The following MYT1L variants were observed in gnomAD, a reference collection of about 807,000 sequenced individuals.
The protein encoded by MYT1L is myelin transcription factor 1-like protein.
MYT1L carries 12 observed loss-of-function variants against 126.7 expected under a neutral mutation model. The ratio of observed to expected loss-of-function variants is 0.09; its 90% CI spans 0.06 to 0.15. The LOEUF (loss-of-function observed/expected upper bound fraction) is 0.15, where lower values mean the gene tolerates loss of function less well. Ranked by LOEUF, MYT1L falls within the 10% of genes least tolerant of loss-of-function variation. The pLI is 1.00. For synonymous variants in MYT1L, 541 were observed against 604.2 expected (o/e 0.90, Z 1.53); for missense variants, 979 against 1,585.2 (o/e 0.62, Z 6.49).
At chr2:1,824,824 T>G (rs951361875) in intron 21 of MYT1L, 1 of 152,270 alleles carries the variant, frequency 6.6e-6, no homozygotes, top group African/African-American at 2.4e-5. Context: ...GGCTAGCATT[T>G]GGTGCTTCAA....
chr2:2,005,295 C>A (rs1355065274), intron 4 of MYT1L, among the ~76,000 whole-genome samples: 1 of 144,104 alleles, frequency 6.9e-6, no homozygotes, highest in East Asian at 2.2e-4. Context: ...TTCCTGCAGG[C>A]GTTCTTTCCT....
chr2:1,964,135 G>T (rs1163075319), intron 8 of MYT1L, among the ~76,000 whole-genome samples: 1 of 152,156 alleles, frequency 6.6e-6, no homozygotes, highest in African/African-American at 2.4e-5. Flanking sequence ...CAATATTATT[G>T]TGTCTCAGGG....
At position 2,284,502 on chromosome 2, in the gene MYT1L, C is replaced by T. The variant is rs1184270143; in HGVS notation, c.-519G>A. The T allele has an allele frequency of 1.3e-5, 2 of 152,364 alleles. No individual in the cohort carries two copies. The highest frequency in any genetic ancestry group is 3.9e-4 in the East Asian group (2 of 5,158). 9.4% of individuals were successfully genotyped at this position (152,364 alleles called of 1,614,324 possible). ...TTGGCTACAGCCTCCTCATGACCCGCCCTGCATGTAAGAGAAGAGGAAGAA... is the reference window on the plus strand; with the variant it reads ...TTGGCTACAGCCTCCTCATGACCCGTCCTGCATGTAAGAGAAGAGGAAGAA... On this transcript the variant is annotated splice_region_variant and 5_prime_UTR_variant, in exon 2 of 25. Transcript: ENST00000647738.
At chr2:2,259,668 A>G (rs1489753196) in intron 2 of MYT1L, among the ~76,000 whole-genome samples, 4 of 152,162 alleles carry the variant, frequency 2.6e-5, no homozygotes, top group Non-Finnish European at 4.4e-5. Flanking sequence ...CCCTCGTCTT[A>G]TAGAAAATGT....
intron 2 of MYT1L, among the ~76,000 whole-genome samples, chr2:2,260,654 A>G (rs1249806250): frequency 6.7e-6 from 1 of 149,464 alleles, no homozygotes; most frequent in African/African-American, 2.5e-5. Context: ...TTGCTGGTGA[A>G]TTATTTTTTT....
At position 1,892,254 on chromosome 2, in the gene MYT1L, C is replaced by T. The variant is rs2048983207; in HGVS notation, c.2066G>A (p.Ser689Asn). 1.3e-6 allele frequency: 2 copies of T among 1,549,504 alleles called. No individual in the cohort carries two copies. The highest frequency in any genetic ancestry group is 2.0e-5 in the Admixed American group (1 of 50,946). Residue 689 changes from serine to asparagine, a missense_variant, in exon 15 of 25, where the codon AGC becomes AAC. Ser to Asn is a conservative substitution (Grantham distance 46). Around this residue, in one of 12 missense-constraint regions of MYT1L, gnomAD observed 57 missense variants for 60.3 expected, o/e 0.94. Transcript: ENST00000647738. ...GGGCGCGTAGCTGCTGGTGCTGCTG[C>T]TGCTGGGGCTGGGGTCCTTGCAGTA... ...KRYCKDPSPS[S>N]SSTSSYAPSS...
At chr2:1,948,106 G>A (rs540275641) in intron 8 of MYT1L, among the ~76,000 whole-genome samples, 10 of 152,140 alleles carry the variant, frequency 6.6e-5, no homozygotes, top group African/African-American at 9.7e-5. Flanking sequence ...TCCCGTGGTG[G>A]GAACTTTCTG....
intron 3 of MYT1L, among the ~76,000 whole-genome samples, chr2:2,080,823 CAT>C (rs1285342282): frequency 6.6e-6 from 1 of 152,168 alleles, no homozygotes; most frequent in Admixed American, 6.5e-5. Flanking sequence ...ATAACTTTAA[CAT>C]GTGACACAGC....
chr2:2,120,355 C>T (rs1424328429), intron 3 of MYT1L, among the ~76,000 whole-genome samples: 5 of 152,202 alleles, frequency 3.3e-5, no homozygotes, highest in Admixed American at 2.0e-4. Flanking sequence ...TCATAAGTCA[C>T]GTGCTGCTTG....
intron 21 of MYT1L, among the ~76,000 whole-genome samples, chr2:1,814,214 C>T (rs985741893): frequency 6.6e-6 from 1 of 152,052 alleles, no homozygotes; most frequent in Non-Finnish European, 1.5e-5. Context: ...GCCCCTGGCA[C>T]TCCCACTTGA....
intron 3 of MYT1L, among the ~76,000 whole-genome samples, chr2:2,159,133 CCT>C (rs1205004026): frequency 1.2e-4 from 19 of 152,206 alleles, no homozygotes; most frequent in African/African-American, 4.3e-4. Context: ...GTGAAGAGCT[CCT>C]GAGACTCCCA....
chr2:1,889,481 T>C lies in MYT1L; in HGVS notation c.2284-4A>G, dbSNP rs2048561895. The stretch of plus-strand genomic sequence containing the variant: ...CATCCACCTCCATGTCAGGGTTCTG[T>C]CGGTAGAAAGACATAGTGACTGTGC... On this transcript the variant is annotated splice_region_variant and splice_polypyrimidine_tract_variant and intron_variant, in intron 15 of 24. Transcript: ENST00000647738. The surrounding 1 kb of genome is among the most constrained non-coding windows in gnomAD (Gnocchi z 4.1). 1 of 1,589,640 alleles carries C rather than the reference T, an allele frequency of 6.3e-7. No individual in the cohort carries two copies. The highest frequency in any genetic ancestry group is 1.3e-5 in the African/African-American group (1 of 74,360).
At chr2:2,084,297 C>T (rs1231282331) in intron 3 of MYT1L, among the ~76,000 whole-genome samples, 1 of 152,242 alleles carries the variant, frequency 6.6e-6, no homozygotes, top group Non-Finnish European at 1.5e-5. Context: ...AAGAAGGGAG[C>T]AGGCAGCTCT....
At chr2:2,128,790 A>G (rs530849152) in intron 3 of MYT1L, among the ~76,000 whole-genome samples, 17 of 152,320 alleles carry the variant, frequency 1.1e-4, no homozygotes, top group Admixed American at 7.2e-4. Flanking sequence ...AGAAATGTTA[A>G]TAACACTGCA....
intron 2 of MYT1L, among the ~76,000 whole-genome samples, chr2:2,190,644 C>T (rs1015975796): frequency 1.3e-5 from 2 of 151,398 alleles, no homozygotes; most frequent in Non-Finnish European, 2.9e-5. Flanking sequence ...ACAGTGTCTA[C>T]TGCATGGGGC....
intron 8 of MYT1L, among the ~76,000 whole-genome samples, chr2:1,951,005 G>C (rs1261487288): frequency 2.6e-5 from 4 of 152,194 alleles, no homozygotes; most frequent in Admixed American, 1.3e-4. Context: ...GCCAGCTCAG[G>C]TAACTGGCAG....
rs1401825486 is a variant in MYT1L at position 2,320,487 on chromosome 2, A to AG, written c.-521+10479_-521+10480insC. 1.4e-4 allele frequency among the ~76,000 whole-genome samples: 21 copies of AG among 151,992 alleles called. 1 individual carries two copies. In the South Asian group the frequency reaches 3.5e-3, roughly 26 times the overall value. ...TATACTCTAAGTCCTAGAAAAAAAA[A>AG]AAAGAAAAAAAAAGCCAGCAAAGAA... On this transcript the variant is annotated intron_variant, in intron 1 of 24. Transcript: ENST00000647738.
At chr2:2,163,144 C>G (rs910892499) in intron 3 of MYT1L, among the ~76,000 whole-genome samples, 1 of 152,150 alleles carries the variant, frequency 6.6e-6, no homozygotes, top group African/African-American at 2.4e-5. Context: ...GACCACCTGA[C>G]CCTAAATGAG....
chr2:2,134,758 C>T (rs1289996136), intron 3 of MYT1L, among the ~76,000 whole-genome samples: 2 of 152,152 alleles, frequency 1.3e-5, no homozygotes, highest in African/African-American at 4.8e-5. Context: ...TTAAGCTACC[C>T]AGTTTGTGGT....
Sources: gnomAD v4.1 joint callset for allele counts (sites outside exome capture counted in the v4.1 genomes callset) on GRCh38, gnomAD v4.1.1 for gene constraint, gnomAD v4.1.1 regional missense constraint, Gnocchi (gnomAD v3.1) non-coding constraint, MANE v1.5 for transcripts, NCBI Gene and HGNC (gene_info 2026-07-23, HGNC 2026-07-21) for gene names.